The following TM2D1 variants were observed in gnomAD, a reference collection of about 807,000 sequenced individuals.
TM2D1 encodes TM2 domain-containing protein 1.
A neutral mutation model predicts 28.4 loss-of-function variants in TM2D1; 15 were observed. The ratio of observed to expected loss-of-function variants is 0.53; its 90% CI spans 0.35 to 0.81. The LOEUF is 0.81. Ranked by LOEUF, TM2D1 falls within the 40% of genes least tolerant of loss-of-function variation. The pLI is 0.01. For missense variants in TM2D1, 236 were observed against 254.9 expected, an observed-to-expected ratio of 0.93 and a Z score of 0.50; for synonymous variants, 93 against 96.2, an observed-to-expected ratio of 0.97 and a Z score of 0.20.
rs66468339 is a variant in TM2D1 at position 61,682,892 on chromosome 1, C to CAA, written c.*19+523_*19+524dup. Reference sequence around the variant, plus strand: ...TGGGCAACAGAGCAAGACTCTGTCTCAAAAAAAAAAAAAAAAAAGAAAAAG... The same window carrying CAA: ...TGGGCAACAGAGCAAGACTCTGTCTCAAAAAAAAAAAAAAAAAAAAGAAAAAG... On this transcript the variant is annotated intron_variant, in intron 6 of 6. Coordinates refer to ENST00000606498, the MANE Select transcript of TM2D1 (RefSeq NM_032027.3). Among the ~76,000 whole-genome samples, 590 of 60,588 alleles carry CAA rather than the reference C, an allele frequency of 9.7e-3. 9 individuals carry two copies. Among genetic ancestry groups the CAA allele is most frequent in the African/African-American group, 0.028 (553 of 19,468 alleles). The allele number at this position is 60,588 out of a possible 152,430, so 39.7% of individuals were successfully genotyped here.
At chr1:61,722,934 A>G (rs1367213916) in intron 2 of TM2D1, among the ~76,000 whole-genome samples, 1 of 152,180 alleles carries the variant, frequency 6.6e-6, no homozygotes, top group Non-Finnish European at 1.5e-5. Flanking sequence ...AAAATAAAAA[A>G]AGTATTTTTC....
intron 2 of TM2D1, among the ~76,000 whole-genome samples, chr1:61,719,113 A>G (rs1644542407): frequency 6.6e-6 from 1 of 152,104 alleles, no homozygotes; most frequent in South Asian, 2.1e-4. Context: ...TCTGTCGCCC[A>G]GGCTAGAGTG....
At chr1:61,719,856 G>A (rs565272677) in intron 2 of TM2D1, among the ~76,000 whole-genome samples, 4 of 151,978 alleles carry the variant, frequency 2.6e-5, no homozygotes, top group South Asian at 2.1e-4. Flanking sequence ...TGAAACTATC[G>A]CCAAATAAAA....
chr1:61,717,216 C>A (rs1210758514), intron 2 of TM2D1, among the ~76,000 whole-genome samples: 3 of 144,212 alleles, frequency 2.1e-5, no homozygotes, highest in Non-Finnish European at 1.5e-5. Flanking sequence ...AAAAAAAAAA[C>A]AATTAGCCGG....
intron 5 of TM2D1, among the ~76,000 whole-genome samples, chr1:61,690,456 C>CAAAAAAAAAAAAA (rs762550068): frequency 6.7e-5 from 4 of 60,046 alleles, no homozygotes; most frequent in African/African-American, 1.3e-4. Flanking sequence ...GACTCAGTCT[C>CAAAAAAAAAAAAA]AAAAAAAAAA....
intron 1 of TM2D1, 26 bp downstream of exon 1, chr1:61,724,930 TG>T: frequency 5.8e-6 from 9 of 1,563,038 alleles, no homozygotes; most frequent in South Asian, 1.2e-5. Flanking sequence ...CTCGCCTCCA[TG>T]GGGGGGTGTT....
chr1:61,691,932 A>AAAATATATATATATATATATAT, intron 5 of TM2D1, among the ~76,000 whole-genome samples: 3 of 76,390 alleles, frequency 3.9e-5, no homozygotes, highest in Non-Finnish European at 7.7e-5. Flanking sequence ...AAAAAAAAAA[A>AAAATATATATATATATATATAT]ATATATATAT....
chr1:61,696,933 T>G (rs1644367281), intron 4 of TM2D1, among the ~76,000 whole-genome samples: 1 of 152,072 alleles, frequency 6.6e-6, no homozygotes, highest in Non-Finnish European at 1.5e-5. Flanking sequence ...TTTTTTTTTT[T>G]TCTCATACCT....
intron 5 of TM2D1, among the ~76,000 whole-genome samples, chr1:61,691,935 A>ATATATATATATATATATATG (rs1644329915): frequency 7.9e-5 from 6 of 75,742 alleles, no homozygotes; most frequent in Non-Finnish European, 1.9e-4. Context: ...AAAAAAAAAT[A>ATATATATATATATATATATG]TATATATATA....
chr1:61,709,447 GA>G lies in TM2D1; in HGVS notation c.239-11del, dbSNP rs752269408. On this transcript the variant is annotated splice_polypyrimidine_tract_variant and intron_variant, in intron 2 of 6. Transcript: ENST00000606498. ...GCTGGAAAACAGGAAACTGAAGGCA[GA>G]AAAAGTCAAGAAACTGTTATTTTTT... 6.3e-7 allele frequency: 1 copy of G among 1,586,864 alleles called. No individual in the cohort carries two copies. Among genetic ancestry groups the G allele is most frequent in the Admixed American group, 1.7e-5 (1 of 59,676 alleles).
chr1:61,710,010 A>T (rs1644465974), intron 2 of TM2D1, among the ~76,000 whole-genome samples: 1 of 152,180 alleles, frequency 6.6e-6, no homozygotes. Context: ...TAAGAAGAAG[A>T]AGTAACACTT....
chr1:61,709,279 T>C, intron 3 of TM2D1, 50 bp downstream of exon 3: 1 of 1,135,068 alleles, frequency 8.8e-7, no homozygotes. Flanking sequence ...GCAATGAAGA[T>C]ATAATATAGG....
chr1:61,700,908 ATTTT>A, intron 4 of TM2D1, 22 bp downstream of exon 4: 3 of 1,481,182 alleles, frequency 2.0e-6, no homozygotes, highest in Non-Finnish European at 2.8e-6. Flanking sequence ...TTTCATAAGG[ATTTT>A]TTTTTAATGA....
At chr1:61,693,921 C>A (rs57443773) in intron 5 of TM2D1, among the ~76,000 whole-genome samples, 2,933 of 152,304 alleles carry the variant, frequency 0.019, 114 homozygotes, top group African/African-American at 0.065. Flanking sequence ...GAGTTAACCA[C>A]AATCAGTTCT....
chr1:61,686,743 T>C (rs1437216269), intron 5 of TM2D1: 1 of 892,292 alleles, frequency 1.1e-6, no homozygotes, highest in Non-Finnish European at 1.3e-6. Context: ...AATTCTAACA[T>C]CTGTCATTAT....
chr1:61,707,810 G>A (rs61770090), intron 3 of TM2D1, among the ~76,000 whole-genome samples: 2 of 152,120 alleles, frequency 1.3e-5, no homozygotes, highest in Non-Finnish European at 2.9e-5. Context: ...TAGTCTAACA[G>A]TGGTTTATTT....
At chr1:61,715,090 C>T (rs1424645525) in intron 2 of TM2D1, among the ~76,000 whole-genome samples, 1 of 152,076 alleles carries the variant, frequency 6.6e-6, no homozygotes, top group South Asian at 2.1e-4. Context: ...ATTTGAGCTA[C>T]TTATTTCAAG....
intron 2 of TM2D1, among the ~76,000 whole-genome samples, chr1:61,720,294 T>C (rs1644554171): frequency 6.6e-6 from 1 of 151,976 alleles, no homozygotes; most frequent in Non-Finnish European, 1.5e-5. Context: ...CAGGCTGGAG[T>C]GCAGTGGCGT....
chr1:61,689,342 GCCC>G (rs1644307333), intron 5 of TM2D1, among the ~76,000 whole-genome samples: 1 of 151,744 alleles, frequency 6.6e-6, no homozygotes, highest in African/African-American at 2.4e-5. Context: ...TAGGTCTACA[GCCC>G]CCAAGGAAAT....
Sources: gnomAD v4.1 joint callset for allele counts (sites outside exome capture counted in the v4.1 genomes callset) on GRCh38, gnomAD v4.1.1 for gene constraint, MANE v1.5 for transcripts, NCBI Gene and HGNC (gene_info 2026-07-23, HGNC 2026-07-21) for gene names.